CCDC149: variants seen among roughly 807,000 people sequenced by gnomAD.
CCDC149 encodes the protein coiled-coil domain-containing protein 149.
In CCDC149, 45 loss-of-function variants were observed where a neutral mutation model predicts 59.9. The ratio of observed to expected loss-of-function variants is 0.75; its 90% CI spans 0.59 to 0.96. The LOEUF (loss-of-function observed/expected upper bound fraction) is 0.96. Ranked by LOEUF, CCDC149 falls within the 40% of genes least tolerant of loss-of-function variation. CCDC149 has a pLI of 0.00. For missense variants in CCDC149, 584 were observed against 664.7 expected (o/e 0.88, Z 1.33); for synonymous variants, 245 against 260.6 (o/e 0.94, Z 0.58).
intron 1 of CCDC149, among the ~76,000 whole-genome samples, chr4:24,962,597 G>C (rs1295387438): frequency 6.6e-6 from 1 of 152,172 alleles, no homozygotes; most frequent in East Asian, 1.9e-4. Flanking sequence ...CATGGATGAA[G>C]CTGGAAACCA....
At chr4:24,949,742 G>C (rs114104023) in intron 1 of CCDC149, among the ~76,000 whole-genome samples, 3 of 152,300 alleles carry the variant, frequency 2.0e-5, no homozygotes, top group Non-Finnish European at 4.4e-5. Context: ...CTGTCAACCT[G>C]AGAGAAAACA....
rs918185856 is a variant in CCDC149 at position 24,902,139 on chromosome 4, G to A, written c.63+10678C>T. On this transcript the variant is annotated intron_variant, in intron 1 of 12. Coordinates refer to ENST00000635206, the MANE Select transcript of CCDC149 (RefSeq NM_001330643.2). Reference sequence around the variant, plus strand: ...CTACACGATAAGTGGTAGGACTTAGGTGCAATGGAAATAATTGAGAATGTT... The same window carrying A: ...CTACACGATAAGTGGTAGGACTTAGATGCAATGGAAATAATTGAGAATGTT... Among the ~76,000 whole-genome samples the A allele has an allele frequency of 6.6e-5, 10 of 152,216 alleles. No individual in the cohort carries two copies. In the East Asian group the frequency reaches 1.9e-3, roughly 29 times the overall value.
chr4:24,857,729 T>G (rs1718113195), intron 3 of CCDC149, among the ~76,000 whole-genome samples: 1 of 152,232 alleles, frequency 6.6e-6, no homozygotes, highest in African/African-American at 2.4e-5. Flanking sequence ...CCAGCATTTC[T>G]ACATTAGCTG....
intron 8 of CCDC149, among the ~76,000 whole-genome samples, chr4:24,832,214 G>A (rs1357970479): frequency 2.0e-5 from 3 of 152,190 alleles, no homozygotes; most frequent in Non-Finnish European, 4.4e-5. Context: ...AAAAGGTTAT[G>A]TATGGCATAA....
intron 3 of CCDC149, among the ~76,000 whole-genome samples, chr4:24,872,544 A>G (rs1719106571): frequency 6.6e-6 from 1 of 152,120 alleles, no homozygotes; most frequent in Admixed American, 6.5e-5. Context: ...GCATGCACCC[A>G]TAGAATGACA....
chr4:24,934,404 C>T (rs549040315), intron 1 of CCDC149, among the ~76,000 whole-genome samples: 22 of 152,262 alleles, frequency 1.4e-4, no homozygotes, highest in African/African-American at 4.8e-4. Context: ...TGAGGCCTCC[C>T]CAGCCATGTG....
chr4:24,853,150 A>G lies in CCDC149; in HGVS notation c.294T>C (p.Ser98=). 6.2e-7 allele frequency: 1 copy of G among 1,613,134 alleles called. No homozygotes were observed. Among genetic ancestry groups the G allele is most frequent in the Non-Finnish European group, 8.5e-7 (1 of 1,179,164 alleles). ...CTCCCAGATGTTTATTTCGGTCCTG[A>G]GAATCTCTCAATAGTTGTGCAAGAT... The change falls in exon 4 of 13, where the codon TCT becomes TCC. Residue 98 remains serine (S), a synonymous_variant. Coordinates refer to ENST00000635206, the MANE Select transcript of CCDC149 (RefSeq NM_001330643.2).
chr4:24,906,396 T>TTTATTTTA (rs1389666465), intron 1 of CCDC149, among the ~76,000 whole-genome samples: 69 of 41,672 alleles, frequency 1.7e-3, no homozygotes, highest in African/African-American at 3.3e-3. Flanking sequence ...TTTTATTTTA[T>TTTATTTTA]TTTATTTTAT....
chr4:24,905,755 G>T (rs1361013239), intron 1 of CCDC149, among the ~76,000 whole-genome samples: 4 of 152,236 alleles, frequency 2.6e-5, no homozygotes, highest in Non-Finnish European at 5.9e-5. Context: ...TTCTTAATGG[G>T]ACCCTCCCAA....
chr4:24,908,770 G>A (rs866029366), intron 1 of CCDC149, among the ~76,000 whole-genome samples: 1 of 152,222 alleles, frequency 6.6e-6, no homozygotes, highest in Non-Finnish European at 1.5e-5. Flanking sequence ...ACTGTCTTCT[G>A]CCTCCTGGCC....
chr4:24,890,680 T>C (rs561132742), intron 1 of CCDC149, among the ~76,000 whole-genome samples: 3 of 152,350 alleles, frequency 2.0e-5, no homozygotes, highest in African/African-American at 7.2e-5. Flanking sequence ...GTGTTCAAGA[T>C]GAAGCTTCAA....
chr4:24,937,132 C>A (rs1196074418), intron 1 of CCDC149, among the ~76,000 whole-genome samples: 1 of 152,006 alleles, frequency 6.6e-6, no homozygotes, highest in East Asian at 1.9e-4. Context: ...CTAAATTAAG[C>A]AAAGGTAAAT....
intron 1 of CCDC149, among the ~76,000 whole-genome samples, chr4:24,959,282 T>A (rs73250654): frequency 0.15 from 22,982 of 152,050 alleles, 2,163 homozygotes; most frequent in East Asian, 0.26. Flanking sequence ...TCAAAAAAAG[T>A]TTTTTTAATA....
chr4:24,804,060 T>A (rs1366940566), downstream of CCDC149, among the ~76,000 whole-genome samples: 1 of 152,028 alleles, frequency 6.6e-6, no homozygotes, highest in African/African-American at 2.4e-5. Context: ...ATTAAAGGAG[T>A]GTGTTGGGGG....
intron 1 of CCDC149, among the ~76,000 whole-genome samples, chr4:24,902,291 G>A (rs1241829703): frequency 6.6e-6 from 1 of 152,160 alleles, no homozygotes; most frequent in African/African-American, 2.4e-5. Context: ...AGACAATACA[G>A]ACTCAGTAAC....
chr4:24,910,191 A>G (rs984450927), intron 1 of CCDC149, among the ~76,000 whole-genome samples: 1 of 152,188 alleles, frequency 6.6e-6, no homozygotes, highest in Non-Finnish European at 1.5e-5. Flanking sequence ...CATCACTCCA[A>G]TCTCTACCTT....
At chr4:24,882,198 A>C (rs578123868) in intron 1 of CCDC149, among the ~76,000 whole-genome samples, 2 of 152,332 alleles carry the variant, frequency 1.3e-5, no homozygotes, top group African/African-American at 4.8e-5. Context: ...CTGAAGGAAG[A>C]TGGAAAAAAA....
At chr4:24,874,260 G>GTTTTTTTTT (rs1233579287) in intron 2 of CCDC149, among the ~76,000 whole-genome samples, 1 of 33,850 alleles carries the variant, frequency 3.0e-5, no homozygotes, top group African/African-American at 8.9e-5. Context: ...TTTTTTTTTT[G>GTTTTTTTTT]TTTTGTTTTT....
chr4:24,808,757 C>T lies in CCDC149; in HGVS notation c.1255G>A (p.Glu419Lys). ...TTGACAGCGGGCCTCCCAGCATCCTCAGGCGCTGTCAACGCCTCAGCAGCG... is the reference window on the plus strand; with the variant it reads ...TTGACAGCGGGCCTCCCAGCATCCTTAGGCGCTGTCAACGCCTCAGCAGCG... Residue 419 changes from glutamate (E) to lysine (K), a missense_variant, in exon 13 of 13, where the codon GAG (glutamate) becomes AAG (lysine). By Grantham distance (56) the Glu-to-Lys change is moderately conservative. Transcript: ENST00000635206. 1 of 1,551,944 alleles carries T rather than the reference C, an allele frequency of 6.4e-7. No individual in the cohort carries two copies. Among genetic ancestry groups the T allele is most frequent in the Non-Finnish European group, 8.7e-7 (1 of 1,147,046 alleles).
Sources: gnomAD v4.1 joint callset for allele counts (sites outside exome capture counted in the v4.1 genomes callset) on GRCh38, gnomAD v4.1.1 for gene constraint, MANE v1.5 for transcripts, NCBI Gene and HGNC (gene_info 2026-07-23, HGNC 2026-07-21) for gene names.